Variants in GTF2I observed in about 807,000 individuals in gnomAD.
GTF2I encodes the protein general transcription factor IIi, also known as general transcription factor II-I.
A neutral mutation model predicts 67.6 loss-of-function variants in GTF2I; 12 were observed. That is an observed-to-expected ratio of 0.18 (90% CI 0.11 to 0.29). GTF2I has a LOEUF of 0.29. Ranked by LOEUF, GTF2I falls within the 10% of genes least tolerant of loss-of-function variation. The pLI is 1.00. For synonymous variants in GTF2I, 149 were observed against 197.0 expected (o/e 0.76, Z 2.04); for missense variants, 271 against 580.1 (o/e 0.47, Z 5.47).
intron 3 of GTF2I, among the ~76,000 whole-genome samples, chr7:74,693,265 ATTTTTTTTTTTT>A (rs1158949751): frequency 4.5e-4 from 37 of 83,018 alleles, no homozygotes; most frequent in African/African-American, 1.5e-3. Context: ...CTGTAGTGGA[ATTTTTTTTTTTT>A]TTTTTTTTTT....
intron 1 of GTF2I, among the ~76,000 whole-genome samples, chr7:74,674,069 C>CTT (rs35948360): frequency 3.0e-5 from 4 of 132,484 alleles, no homozygotes; most frequent in African/African-American, 8.3e-5. Flanking sequence ...TGATCTATGA[C>CTT]TTTTTTTTTT....
At position 74,699,937 on chromosome 7, in the gene GTF2I, G is replaced by A. The variant is rs587665574; in HGVS notation, c.374-310G>A. 5 of 249,680 alleles carry A rather than the reference G, an allele frequency of 2.0e-5. No homozygotes were observed. The South Asian group carries it at 3.4e-4, about 17-fold the overall frequency. The allele number at this position is 249,680 out of a possible 1,614,324, so 15.5% of individuals were successfully genotyped here. ...GGCTTCTGTATTCTGAGGCCAAATTGTACCTGAGAATATGCCAGGATGGGA... is the reference window on the plus strand; with the variant it reads ...GGCTTCTGTATTCTGAGGCCAAATTATACCTGAGAATATGCCAGGATGGGA... On this transcript the variant is annotated intron_variant, in intron 4 of 34. Coordinates refer to ENST00000573035, the MANE Select transcript of GTF2I (RefSeq NM_032999.4).
intron 3 of GTF2I, among the ~76,000 whole-genome samples, chr7:74,693,769 C>T (rs1285931826): frequency 6.6e-6 from 1 of 151,946 alleles, no homozygotes; most frequent in African/African-American, 2.4e-5. Flanking sequence ...TTACTTGAAC[C>T]TGGGAGGTGG....
chr7:74,692,055 G>C (rs1788360824), intron 3 of GTF2I, among the ~76,000 whole-genome samples: 1 of 150,526 alleles, frequency 6.6e-6, no homozygotes, highest in Admixed American at 6.6e-5. Flanking sequence ...AGGATTTCAG[G>C]CATGAGCCAC....
chr7:74,711,655 A>G (rs964921588), intron 9 of GTF2I, among the ~76,000 whole-genome samples: 5 of 152,186 alleles, frequency 3.3e-5, no homozygotes, highest in Non-Finnish European at 7.4e-5. Context: ...TGCATTTTCT[A>G]TAAAGTCTTA....
intron 26 of GTF2I, among the ~76,000 whole-genome samples, chr7:74,750,474 A>G (rs1554409784): frequency 1.1e-5 from 1 of 93,802 alleles, no homozygotes; most frequent in Non-Finnish European, 2.2e-5. Flanking sequence ...GGAATTTTAT[A>G]GTACATGCTA....
chr7:74,665,777 T>C (rs1554388299), intron 1 of GTF2I, among the ~76,000 whole-genome samples: 1 of 152,250 alleles, frequency 6.6e-6, no homozygotes, highest in Non-Finnish European at 1.5e-5. Context: ...GAATATGAAT[T>C]GCAAGGGCAA....
intron 1 of GTF2I, among the ~76,000 whole-genome samples, chr7:74,674,535 G>A (rs1805729437): frequency 6.6e-6 from 1 of 151,960 alleles, no homozygotes; most frequent in Non-Finnish European, 1.5e-5. Context: ...CAGTTTCCTT[G>A]CCTCTCTAAT....
chr7:74,692,283 C>T (rs373369753), intron 3 of GTF2I, among the ~76,000 whole-genome samples: 4 of 151,630 alleles, frequency 2.6e-5, no homozygotes, highest in Admixed American at 1.3e-4. Context: ...CCATGTTGGC[C>T]AGGCTGGTCT....
chr7:74,685,490 C>G (rs1390185951), intron 1 of GTF2I, among the ~76,000 whole-genome samples: 2 of 151,970 alleles, frequency 1.3e-5, no homozygotes, highest in Non-Finnish European at 2.9e-5. Flanking sequence ...AAGCAAGACC[C>G]TGTCTCAAAA....
intron 6 of GTF2I, among the ~76,000 whole-genome samples, chr7:74,701,182 G>A (rs1186857044): frequency 6.6e-6 from 1 of 152,202 alleles, no homozygotes; most frequent in East Asian, 1.9e-4. Context: ...GAATGATGCG[G>A]ATTTCAGCTT....
rs1407902740 is a variant in GTF2I at position 74,732,466 on chromosome 7, T to C, written c.1121-13T>C. ...TGTTTAAATGATATCTCTTTCTCTTTTTGTCCTTATAGCTCAAGCCATAAA... is the reference window on the plus strand; with the variant it reads ...TGTTTAAATGATATCTCTTTCTCTTCTTGTCCTTATAGCTCAAGCCATAAA... On this transcript the variant is annotated splice_polypyrimidine_tract_variant and intron_variant, in intron 14 of 34. Transcript: ENST00000573035. The C allele has an allele frequency of 6.7e-7, 1 of 1,501,572 alleles. No homozygotes were observed. The highest frequency in any genetic ancestry group is 1.4e-5 in the African/African-American group (1 of 70,660). 93.0% of individuals were successfully genotyped at this position (1,501,572 alleles called of 1,614,324 possible).
chr7:74,681,450 GAAAAA>G (rs587675813), intron 1 of GTF2I, among the ~76,000 whole-genome samples: 1 of 150,586 alleles, frequency 6.6e-6, no homozygotes, highest in Non-Finnish European at 1.5e-5. Flanking sequence ...TAAAAAAAAA[GAAAAA>G]AAGAAAAAAA....
At chr7:74,671,231 C>T (rs950927397) in intron 1 of GTF2I, among the ~76,000 whole-genome samples, 2 of 151,462 alleles carry the variant, frequency 1.3e-5, no homozygotes, top group Admixed American at 6.6e-5. Context: ...AGATTACAGG[C>T]GTGCACCACC....
In GTF2I at chr7:74,730,799, C is replaced by T. The variant is rs1370813879; in HGVS notation, c.1120+505C>T. ...TCGGCTCATTGCAACCTCCGCCTCC[C>T]GGGTTCAAGCAATTCTCCTGGCTCA... On this transcript the variant is annotated intron_variant, in intron 14 of 34. Coordinates refer to ENST00000573035, the MANE Select transcript of GTF2I (RefSeq NM_032999.4). Among the ~76,000 whole-genome samples, 10 of 139,546 alleles carry T rather than the reference C, an allele frequency of 7.2e-5. No individual in the cohort carries two copies. The East Asian group carries it at 8.4e-4, about 12-fold the overall frequency. The allele number at this position is 139,546 out of a possible 152,430, so 91.5% of individuals were successfully genotyped here.
chr7:74,694,941 C>T (rs587642925), intron 3 of GTF2I, among the ~76,000 whole-genome samples: 1 of 152,240 alleles, frequency 6.6e-6, no homozygotes, highest in Non-Finnish European at 1.5e-5. Flanking sequence ...TGCCTGTGCT[C>T]TATTGATAGA....
intron 6 of GTF2I, 27 bp downstream of exon 6, chr7:74,700,661 AGCTG>A: frequency 6.2e-7 from 1 of 1,609,210 alleles, no homozygotes; most frequent in Non-Finnish European, 8.5e-7. Flanking sequence ...CTTCCTTGAT[AGCTG>A]GCTGGCCTCC....
chr7:74,716,648 A>G (rs1554403685), intron 10 of GTF2I: 1 of 379,334 alleles, frequency 2.6e-6, no homozygotes, highest in East Asian at 4.2e-5. Flanking sequence ...CTAATATTAA[A>G]TCCCCAAACC....
intron 4 of GTF2I, 133 bp from the exon 5 acceptor site, chr7:74,700,114 A>G: frequency 2.3e-6 from 2 of 870,552 alleles, no homozygotes; most frequent in Non-Finnish European, 3.5e-6. Context: ...AGAATGCTGT[A>G]GTATTAATTA....
Sources: gnomAD v4.1 joint callset for allele counts (sites outside exome capture counted in the v4.1 genomes callset) on GRCh38, gnomAD v4.1.1 for gene constraint, MANE v1.5 for transcripts, NCBI Gene and HGNC (gene_info 2026-07-23, HGNC 2026-07-21) for gene names.